Variants in ASB3 observed in about 807,000 individuals in gnomAD.
ASB3 encodes ankyrin repeat and SOCS box containing 3.
In ASB3, 41 loss-of-function variants were observed where a neutral mutation model predicts 54.5. The observed-to-expected ratio is 0.75, with a 90% CI of 0.59 to 0.98. The LOEUF (loss-of-function observed/expected upper bound fraction) is 0.98. ASB3 is among the 50% of genes least tolerant of loss of function. The probability of loss-of-function intolerance (pLI) is 0.00; values close to 1 mark genes in which losing one functional copy is unlikely to be tolerated. For missense variants in ASB3, 733 were observed against 620.0 expected (o/e 1.18, Z -1.94); for synonymous variants, 266 against 221.2 (o/e 1.20, Z -1.80).
chr2:53,778,557 A>G (rs1467986832), intron 1 of ASB3, among the ~76,000 whole-genome samples: 3 of 152,170 alleles, frequency 2.0e-5, no homozygotes, highest in African/African-American at 7.2e-5. Flanking sequence ...CTTCCCTCCA[A>G]CCCTGGTAAC....
intron 7 of ASB3, among the ~76,000 whole-genome samples, chr2:53,709,190 G>A (rs551509521): frequency 1.7e-4 from 26 of 152,308 alleles, no homozygotes; most frequent in South Asian, 6.2e-4. Flanking sequence ...GTGCCCCACT[G>A]TCCTCCACAG....
intron 8 of ASB3, among the ~76,000 whole-genome samples, chr2:53,697,946 T>G (rs1301062704): frequency 6.6e-6 from 1 of 152,198 alleles, no homozygotes. Context: ...TCTACAGTCC[T>G]GAGGTCTCAA....
intron 1 of ASB3, chr2:53,767,522 AG>A (rs1673549453): frequency 5.5e-6 from 1 of 183,124 alleles, no homozygotes; most frequent in African/African-American, 2.3e-5. Flanking sequence ...CGGCCCCGTT[AG>A]AAATAAGCCC....
At chr2:53,699,777 C>T (rs769626960) in intron 8 of ASB3, among the ~76,000 whole-genome samples, 46 of 152,152 alleles carry the variant, frequency 3.0e-4, no homozygotes, top group Admixed American at 2.6e-3. Flanking sequence ...TGTATAATCT[C>T]TCACTGAGGG....
intron 3 of ASB3, among the ~76,000 whole-genome samples, chr2:53,750,545 G>C (rs1016220447): frequency 1.3e-5 from 2 of 152,036 alleles, no homozygotes; most frequent in Non-Finnish European, 2.9e-5. Flanking sequence ...CCTACAATTC[G>C]AAACAGATTT....
At chr2:53,785,030 A>G (rs1674860592) in intron 1 of ASB3, among the ~76,000 whole-genome samples, 1 of 152,154 alleles carries the variant, frequency 6.6e-6, no homozygotes, top group Non-Finnish European at 1.5e-5. Flanking sequence ...CACTCCAGCC[A>G]CACTGGCCTT....
At chr2:53,671,524 C>A (rs1667818391) in intron 9 of ASB3, among the ~76,000 whole-genome samples, 1 of 152,162 alleles carries the variant, frequency 6.6e-6, no homozygotes, top group East Asian at 1.9e-4. Flanking sequence ...CTTTGGGAGG[C>A]TGAGGCGGGC....
chr2:53,742,849 C>A (rs1368564626), intron 3 of ASB3, among the ~76,000 whole-genome samples: 1 of 151,930 alleles, frequency 6.6e-6, no homozygotes, highest in Non-Finnish European at 1.5e-5. Context: ...CCCAAGAACA[C>A]CACCATAATA....
intron 6 of ASB3, among the ~76,000 whole-genome samples, chr2:53,715,843 T>A (rs115208250): frequency 6.6e-5 from 10 of 152,050 alleles, no homozygotes; most frequent in Non-Finnish European, 1.5e-4. Flanking sequence ...AAGTAATGAA[T>A]ATTTTACTAT....
At chr2:53,733,447 T>TC (rs1180834940) in intron 3 of ASB3, among the ~76,000 whole-genome samples, 1 of 56,668 alleles carries the variant, frequency 1.8e-5, no homozygotes, top group African/African-American at 1.1e-4. Context: ...TCCACTTCCT[T>TC]TTTTTTTTTT....
At chr2:53,784,136 A>C (rs1674804368) in intron 1 of ASB3, among the ~76,000 whole-genome samples, 1 of 152,230 alleles carries the variant, frequency 6.6e-6, no homozygotes, top group African/African-American at 2.4e-5. Context: ...AATCATACTT[A>C]ATAGTTTTAT....
chr2:53,714,599 C>T lies in ASB3; in HGVS notation c.783-18G>A, dbSNP rs777868669. ...CCAAGATTCTATAAATACACAAATT[C>T]AGGAGAATTTAGTGTTTGTATATGT... On this transcript the variant is annotated intron_variant, in intron 6 of 9. Transcript: ENST00000263634. 5 of 1,611,778 alleles carry T rather than the reference C, an allele frequency of 3.1e-6. No homozygotes were observed. In the South Asian group the frequency reaches 5.5e-5, roughly 18 times the overall value.
At chr2:53,713,226 A>C (rs1670204189) in intron 7 of ASB3, among the ~76,000 whole-genome samples, 1 of 152,186 alleles carries the variant, frequency 6.6e-6, no homozygotes, top group Admixed American at 6.5e-5. Flanking sequence ...TTTACATGGC[A>C]AATGTTAAGA....
chr2:53,749,955 A>C (rs1381985674), intron 3 of ASB3, among the ~76,000 whole-genome samples: 1 of 152,104 alleles, frequency 6.6e-6, no homozygotes, highest in Non-Finnish European at 1.5e-5. Context: ...TAATATTTTT[A>C]AGTCCACAAG....
chr2:53,673,787 T>C (rs1667943116), intron 9 of ASB3, among the ~76,000 whole-genome samples: 2 of 152,210 alleles, frequency 1.3e-5, no homozygotes, highest in African/African-American at 4.8e-5. Context: ...AAAGGAAAAG[T>C]ATAGCTACTT....
intron 9 of ASB3, among the ~76,000 whole-genome samples, chr2:53,687,959 A>G (rs1403376858): frequency 3.3e-5 from 5 of 152,176 alleles, no homozygotes; most frequent in Non-Finnish European, 7.4e-5. Flanking sequence ...CTGGGACTAC[A>G]GTCATTCACC....
chr2:53,774,322 TA>T, intron 1 of ASB3: 1 of 1,613,772 alleles, frequency 6.2e-7, no homozygotes, highest in Non-Finnish European at 8.5e-7. Context: ...TAATCCTGAT[TA>T]TCTTGGTCCT....
chr2:53,775,224 T>C (rs1235981857), intron 1 of ASB3: 1 of 152,670 alleles, frequency 6.6e-6, no homozygotes, highest in African/African-American at 2.4e-5. Flanking sequence ...CACTTTGTAT[T>C]AATCTTATAC....
chr2:53,736,863 T>C (rs1057399013), intron 3 of ASB3, among the ~76,000 whole-genome samples: 1 of 151,348 alleles, frequency 6.6e-6, no homozygotes, highest in Non-Finnish European at 1.5e-5. Context: ...TGGTGGTGCA[T>C]GCCTGTAGTC....
Sources: gnomAD v4.1 joint callset for allele counts (sites outside exome capture counted in the v4.1 genomes callset) on GRCh38, gnomAD v4.1.1 for gene constraint, MANE v1.5 for transcripts, NCBI Gene and HGNC (gene_info 2026-07-23, HGNC 2026-07-21) for gene names.